Variants in LEKR1 observed in about 807,000 individuals in gnomAD.
LEKR1 encodes the protein leucine, glutamate and lysine rich 1, also known as protein LEKR1.
In LEKR1, 59 loss-of-function variants were observed where a neutral mutation model predicts 72.4. The ratio of observed to expected loss-of-function variants is 0.82; its 90% CI spans 0.66 to 1.01. The LOEUF (loss-of-function observed/expected upper bound fraction) is 1.01. Ranked by LOEUF, LEKR1 falls within the 50% of genes least tolerant of loss-of-function variation. The pLI is 0.00. For missense variants in LEKR1, 728 were observed against 759.2 expected, an observed-to-expected ratio of 0.96 and a Z score of 0.48; for synonymous variants, 257 against 263.2, an observed-to-expected ratio of 0.98 and a Z score of 0.23.
Position 157,031,067 on chromosome 3 carries a change from A to G in LEKR1, c.1668+2665A>G, listed in dbSNP as rs1336264439. On this transcript the variant is annotated intron_variant, in intron 12 of 12. Coordinates refer to ENST00000356539, the MANE Select transcript of LEKR1 (RefSeq NM_001004316.3). ...CTCGAGGTGAAATCATTGCACAAAG[A>G]TATGAATATCAGGAGAGTAAGGATC... 2.6e-5 allele frequency among the ~76,000 whole-genome samples: 4 copies of G among 152,192 alleles called. No individual in the cohort carries two copies. In the East Asian group the frequency reaches 7.7e-4, roughly 29 times the overall value.
At chr3:157,036,370 C>T (rs151289168) in intron 12 of LEKR1, among the ~76,000 whole-genome samples, 1 of 151,624 alleles carries the variant, frequency 6.6e-6, no homozygotes, top group East Asian at 1.9e-4. Flanking sequence ...AAGAAAAAAG[C>T]AAAAAGATGG....
chr3:156,930,277 G>A (rs1206302171), intron 5 of LEKR1, among the ~76,000 whole-genome samples: 1 of 151,932 alleles, frequency 6.6e-6, no homozygotes, highest in East Asian at 1.9e-4. Context: ...AGCATCCTCA[G>A]GAAAGAATAA....
rs1035784492 is a variant in LEKR1 at position 156,927,522 on chromosome 3, A to G, written c.477A>G (p.Val159=). Residue 159 remains valine, a synonymous_variant, in exon 5 of 13, where the codon GTA becomes GTG. Coordinates refer to ENST00000356539, the MANE Select transcript of LEKR1 (RefSeq NM_001004316.3). ...KRELTSIKNE[V]YDNYQNWTSL... ...AACTAACCAGTATTAAAAATGAAGTATATGATAATTACCAAAACTGGACTT... is the reference window on the plus strand; with the variant it reads ...AACTAACCAGTATTAAAAATGAAGTGTATGATAATTACCAAAACTGGACTT... 4.9e-6 allele frequency: 6 copies of G among 1,222,290 alleles called. No homozygotes were observed. The highest frequency in any genetic ancestry group is 1.4e-5 in the South Asian group (1 of 70,326). The allele number at this position is 1,222,290 out of a possible 1,614,324, so 75.7% of individuals were successfully genotyped here.
chr3:156,967,312 C>T (rs759877583), intron 6 of LEKR1, among the ~76,000 whole-genome samples: 31 of 151,736 alleles, frequency 2.0e-4, no homozygotes, highest in Non-Finnish European at 3.1e-4. Flanking sequence ...AGGCTTCAGA[C>T]GATCAAACTA....
chr3:156,937,401 G>A (rs1725818081), intron 5 of LEKR1, among the ~76,000 whole-genome samples: 1 of 152,032 alleles, frequency 6.6e-6, no homozygotes, highest in Non-Finnish European at 1.5e-5. Context: ...TATATAGATG[G>A]CAAATAAGTA....
intron 1 of LEKR1, 53 bp from the exon 2 acceptor site, chr3:156,829,233 T>G (rs1322541774): frequency 2.9e-6 from 2 of 691,902 alleles, no homozygotes; most frequent in East Asian, 5.6e-5. Context: ...GCATCTTAAT[T>G]TGAATGTTCT....
chr3:156,993,894 C>T (rs573212781), intron 9 of LEKR1, among the ~76,000 whole-genome samples: 31 of 152,240 alleles, frequency 2.0e-4, no homozygotes, highest in African/African-American at 7.2e-4. Context: ...TGTCTTTGCT[C>T]ATTCTTTCTG....
chr3:157,031,185 T>G (rs1422580232), intron 12 of LEKR1, among the ~76,000 whole-genome samples: 1 of 152,158 alleles, frequency 6.6e-6, no homozygotes, highest in East Asian at 1.9e-4. Flanking sequence ...GTGGATTTCT[T>G]CATCGACAAA....
intron 9 of LEKR1, among the ~76,000 whole-genome samples, chr3:156,993,971 T>C (rs1460273638): frequency 6.6e-6 from 1 of 152,116 alleles, no homozygotes; most frequent in Non-Finnish European, 1.5e-5. Context: ...GTTTCATTGA[T>C]TTAAAAATCT....
chr3:157,006,900 G>C lies in LEKR1; in HGVS notation c.1110-4513G>C, dbSNP rs114853493. Among the ~76,000 whole-genome samples the C allele has an allele frequency of 3.0e-3, 454 of 152,168 alleles. 2 individuals carry two copies. Among genetic ancestry groups the C allele is most frequent in the African/African-American group, 0.01 (434 of 41,530 alleles). On this transcript the variant is annotated intron_variant, in intron 9 of 12. Coordinates refer to ENST00000356539, the MANE Select transcript of LEKR1 (RefSeq NM_001004316.3). ...GATTGCCTGGAGGAGAGGGGCAGGA[G>C]TGATGGATTACAAAGAGGCGGATGG...
At chr3:156,834,067 C>A (rs1486529116) in intron 2 of LEKR1, among the ~76,000 whole-genome samples, 1 of 152,040 alleles carries the variant, frequency 6.6e-6, no homozygotes, top group East Asian at 1.9e-4. Context: ...ATAAACAAAT[C>A]TATACAGTCT....
intron 3 of LEKR1, among the ~76,000 whole-genome samples, chr3:156,910,639 C>T (rs540019293): frequency 4.9e-4 from 75 of 152,306 alleles, no homozygotes; most frequent in Admixed American, 9.2e-4. Context: ...TGGACTCCAG[C>T]TGCATCCATG....
intron 3 of LEKR1, among the ~76,000 whole-genome samples, chr3:156,907,210 G>A (rs1412784549): frequency 5.9e-5 from 9 of 151,986 alleles, no homozygotes; most frequent in Non-Finnish European, 1.5e-5. Flanking sequence ...TCTCTCTGTA[G>A]AGATCACCCT....
chr3:156,963,972 G>A (rs1372928189), intron 6 of LEKR1, among the ~76,000 whole-genome samples: 1 of 152,162 alleles, frequency 6.6e-6, no homozygotes, highest in Non-Finnish European at 1.5e-5. Context: ...ATGTGGGGAA[G>A]GCAGAAGAGG....
intron 3 of LEKR1, among the ~76,000 whole-genome samples, chr3:156,870,858 G>A (rs1717846103): frequency 6.6e-6 from 1 of 152,026 alleles, no homozygotes; most frequent in African/African-American, 2.4e-5. Flanking sequence ...TCTATGCCTA[G>A]TTGGTTGAGT....
At chr3:157,043,580 A>C (rs901517739) in intron 12 of LEKR1, among the ~76,000 whole-genome samples, 2 of 152,326 alleles carry the variant, frequency 1.3e-5, no homozygotes, top group East Asian at 1.9e-4. Context: ...CTACTACTTC[A>C]GAGTGGAGTT....
At chr3:156,882,858 T>C (rs2108553055) in intron 3 of LEKR1, among the ~76,000 whole-genome samples, 1 of 151,958 alleles carries the variant, frequency 6.6e-6, no homozygotes, top group African/African-American at 2.4e-5. Context: ...TGTAGGGACA[T>C]GGATGAAATT....
chr3:156,977,793 C>G (rs1729827091), intron 6 of LEKR1: 1 of 223,710 alleles, frequency 4.5e-6, no homozygotes, highest in African/African-American at 2.3e-5. Flanking sequence ...GACCATCTTG[C>G]CTTCTACAGG....
At chr3:156,923,570 A>G (rs1724413518) in intron 4 of LEKR1, among the ~76,000 whole-genome samples, 1 of 152,068 alleles carries the variant, frequency 6.6e-6, no homozygotes, top group Non-Finnish European at 1.5e-5. Context: ...TTATCCATTT[A>G]CCAGTTGATG....
Sources: allele counts gnomAD v4.1 joint callset (sites outside exome capture counted in the v4.1 genomes callset), GRCh38; gene constraint gnomAD v4.1.1; transcripts MANE v1.5; gene names NCBI Gene and HGNC (gene_info 2026-07-23, HGNC 2026-07-21).